The following SOX5 variants were observed in gnomAD, a reference collection of about 807,000 sequenced individuals.
SOX5 encodes the protein SRY-box transcription factor 5.
A neutral mutation model predicts 92.0 loss-of-function variants in SOX5; 9 were observed. That is an observed-to-expected ratio of 0.10 (90% CI 0.06 to 0.17). The LOEUF (loss-of-function observed/expected upper bound fraction) is 0.17. Among genes scored for constraint, SOX5 ranks in the 10% least tolerant of loss-of-function variants. SOX5 has a pLI of 1.00. For synonymous variants in SOX5, 344 were observed against 336.3 expected (o/e 1.02, Z -0.25); for missense variants, 642 against 944.5 (o/e 0.68, Z 4.20).
At chr12:24,386,321 A>G in intron 1 of SOX5, among the ~76,000 whole-genome samples, 1 of 152,116 alleles carries the variant, frequency 6.6e-6, no homozygotes, top group East Asian at 1.9e-4. Flanking sequence ...CATCATCATC[A>G]TAGCTGTCTT....
chr12:23,891,623 T>A (rs1441475632), intron 2 of SOX5, among the ~76,000 whole-genome samples: 2 of 152,116 alleles, frequency 1.3e-5, no homozygotes, highest in Non-Finnish European at 2.9e-5. Flanking sequence ...TTTTCTTAAA[T>A]TGAACTCTAT....
chr12:23,531,006 T>C lies in SOX5; in HGVS notation c.*3213A>G, dbSNP rs1938969013. ...AGAAAAAGAATACAGGGTTTTAGGA[T>C]CCTTTACCAAAATTATAAATCAACC... On this transcript the variant is annotated 3_prime_UTR_variant, in exon 15 of 15. Coordinates refer to ENST00000451604, the MANE Select transcript of SOX5 (RefSeq NM_006940.6). 1 of 152,084 alleles carries C rather than the reference T, an allele frequency of 6.6e-6. No homozygotes were observed. The highest frequency in any genetic ancestry group is 2.4e-5 in the African/African-American group (1 of 41,408). The allele number at this position is 152,084 out of a possible 1,614,324, so 9.4% of individuals were successfully genotyped here.
chr12:24,147,492 A>C (rs1951205280), intron 4 of SOX5, among the ~76,000 whole-genome samples: 2 of 152,208 alleles, frequency 1.3e-5, no homozygotes, highest in South Asian at 2.1e-4. Context: ...TGAAAGAATG[A>C]ACACTACCTC....
At chr12:23,855,813 T>C (rs969607834) in intron 2 of SOX5, among the ~76,000 whole-genome samples, 3 of 152,118 alleles carry the variant, frequency 2.0e-5, no homozygotes, top group African/African-American at 4.8e-5. Flanking sequence ...CTGTAAAACA[T>C]ATGCCTTCTC....
intron 2 of SOX5, among the ~76,000 whole-genome samples, chr12:23,869,876 C>T (rs977830670): frequency 2.6e-5 from 4 of 152,122 alleles, no homozygotes; most frequent in African/African-American, 9.7e-5. Context: ...ACAATATTAT[C>T]ACAGCCACAA....
intron 6 of SOX5, among the ~76,000 whole-genome samples, chr12:23,709,907 A>G (rs948013284): frequency 1.3e-5 from 2 of 152,324 alleles, no homozygotes; most frequent in Middle Eastern, 6.8e-3. Context: ...TGTTATTAGT[A>G]CTAAATAATT....
intron 2 of SOX5, among the ~76,000 whole-genome samples, chr12:23,861,260 A>G (rs2096754803): frequency 6.6e-6 from 1 of 152,144 alleles, no homozygotes; most frequent in Admixed American, 6.5e-5. Context: ...TGTTAGAATA[A>G]AGGGAGAAAA....
At chr12:24,167,266 T>C (rs1953521385) in intron 4 of SOX5, among the ~76,000 whole-genome samples, 1 of 152,218 alleles carries the variant, frequency 6.6e-6, no homozygotes, top group South Asian at 2.1e-4. Flanking sequence ...AATATGTGCA[T>C]TTCCTGCAGT....
chr12:23,836,199 T>G (rs1188747439), intron 3 of SOX5, among the ~76,000 whole-genome samples: 3 of 151,866 alleles, frequency 2.0e-5, no homozygotes, highest in African/African-American at 7.2e-5. Flanking sequence ...CACTCTTAAC[T>G]GTTAGGTTTA....
chr12:24,423,818 G>A (rs1318210999), intron 1 of SOX5, among the ~76,000 whole-genome samples: 2 of 152,188 alleles, frequency 1.3e-5, no homozygotes, highest in Non-Finnish European at 2.9e-5. Flanking sequence ...CACTTCCGCA[G>A]TCACAGAGGT....
chr12:23,551,562 G>A lies in SOX5; in HGVS notation c.1489-5138C>T, dbSNP rs990932368. Reference sequence around the variant, plus strand: ...TCCTCTAACTCTAACAAAAGTACATGTTGAAGAGATCTGTCACTAATTTTA... The same window carrying A: ...TCCTCTAACTCTAACAAAAGTACATATTGAAGAGATCTGTCACTAATTTTA... On this transcript the variant is annotated intron_variant, in intron 11 of 14. Transcript: ENST00000451604. Among the ~76,000 whole-genome samples, 4 of 151,876 alleles carry A rather than the reference G, an allele frequency of 2.6e-5. No individual in the cohort carries two copies. In the East Asian group the frequency reaches 5.8e-4, roughly 22 times the overall value.
intron 1 of SOX5, among the ~76,000 whole-genome samples, chr12:23,927,974 G>A (rs1415241552): frequency 6.6e-6 from 1 of 152,048 alleles, no homozygotes; most frequent in African/African-American, 2.4e-5. Context: ...AGATGGCTAT[G>A]AAATGCACTC....
intron 1 of SOX5, among the ~76,000 whole-genome samples, chr12:24,430,529 CAG>C (rs34245255): frequency 0.22 from 32,658 of 151,682 alleles, 4,389 homozygotes; most frequent in East Asian, 0.66. Flanking sequence ...TGAGGTAAAA[CAG>C]TGAAAAGAAA....
chr12:24,116,904 G>A (rs1027591462), intron 4 of SOX5, among the ~76,000 whole-genome samples: 7 of 150,260 alleles, frequency 4.7e-5, no homozygotes, highest in Admixed American at 3.3e-4. Flanking sequence ...TTATGTGTAT[G>A]TATGTAATAA....
intron 3 of SOX5, among the ~76,000 whole-genome samples, chr12:24,233,530 G>A (rs1434284697): frequency 1.3e-5 from 2 of 152,180 alleles, no homozygotes; most frequent in Non-Finnish European, 2.9e-5. Context: ...AAATTTAAGT[G>A]GCAAGTCAGA....
chr12:23,870,611 C>G (rs1386047005), intron 2 of SOX5, among the ~76,000 whole-genome samples: 1 of 152,144 alleles, frequency 6.6e-6, no homozygotes, highest in East Asian at 1.9e-4. Flanking sequence ...GCAGCTGAGT[C>G]TACTGAGCTA....
rs113719033 is a variant in SOX5 at position 23,975,372 on chromosome 12, G to A, written c.-1-79348C>T. Among the ~76,000 whole-genome samples the A allele has an allele frequency of 4.9e-3, 742 of 151,856 alleles. 6 individuals are homozygous for A. Among genetic ancestry groups the A allele is most frequent in the African/African-American group, 0.017 (684 of 41,414 alleles). ...TAAAAAAAAAAATTAAGTGTAAAGC[G>A]TGAAAGTAATACAAAATCATTGAAT... On this transcript the variant is annotated intron_variant, in intron 4 of 4. Transcript: ENST00000446891.
intron 1 of SOX5, among the ~76,000 whole-genome samples, chr12:24,460,365 C>T (rs1035103300): frequency 6.6e-6 from 1 of 152,346 alleles, no homozygotes; most frequent in East Asian, 1.9e-4. Flanking sequence ...ATGATAGTGT[C>T]TGTCACTGTA....
chr12:23,826,255 A>G (rs1485441746), intron 3 of SOX5, among the ~76,000 whole-genome samples: 3 of 143,002 alleles, frequency 2.1e-5, no homozygotes, highest in South Asian at 2.1e-4. Flanking sequence ...GTTCCCACCT[A>G]TGAGTGAGAT....
Sources: gnomAD v4.1 joint callset for allele counts (sites outside exome capture counted in the v4.1 genomes callset) on GRCh38, gnomAD v4.1.1 for gene constraint, MANE v1.5 for transcripts, NCBI Gene and HGNC (gene_info 2026-07-23, HGNC 2026-07-21) for gene names.